Variants in PCDH15 observed in about 807,000 individuals in gnomAD.
PCDH15 encodes the protein protocadherin related 15.
Under a neutral mutation model 178.5 loss-of-function variants are expected in PCDH15, and 129 were observed. The observed-to-expected ratio is 0.72, with a 90% CI of 0.63 to 0.84. PCDH15 has a LOEUF of 0.84. Among genes scored for constraint, PCDH15 ranks in the 40% least tolerant of loss-of-function variants. The pLI, the probability that PCDH15 is intolerant of heterozygous loss-of-function variation, is 0.00. For synonymous variants in PCDH15, 800 were observed against 732.0 expected, an observed-to-expected ratio of 1.09 and a Z score of -1.50; for missense variants, 2,230 against 2,099.9, an observed-to-expected ratio of 1.06 and a Z score of -1.21.
intron 2 of PCDH15, among the ~76,000 whole-genome samples, chr10:55,409,078 A>C (rs1838272847): frequency 6.6e-6 from 1 of 151,274 alleles, no homozygotes; most frequent in African/African-American, 2.4e-5. Flanking sequence ...CTTCTCAGTA[A>C]TTGAACACAT....
chr10:55,262,466 G>A (rs1275606107), intron 1 of PCDH15, among the ~76,000 whole-genome samples: 1 of 152,174 alleles, frequency 6.6e-6, no homozygotes, highest in Non-Finnish European at 1.5e-5. Context: ...ACACACAGGC[G>A]GCTGGATGCT....
intron 3 of PCDH15, among the ~76,000 whole-genome samples, chr10:54,514,206 T>C (rs2081983095): frequency 2.0e-5 from 3 of 152,198 alleles, no homozygotes; most frequent in African/African-American, 7.2e-5. Flanking sequence ...CATCTTTGTG[T>C]AGTCTTAATT....
chr10:54,771,854 C>G (rs1949131520), intron 1 of PCDH15, among the ~76,000 whole-genome samples: 1 of 152,110 alleles, frequency 6.6e-6, no homozygotes, highest in African/African-American at 2.4e-5. Flanking sequence ...GTATCACTAT[C>G]TGAATATAAA....
intron 2 of PCDH15, among the ~76,000 whole-genome samples, chr10:55,376,162 T>C (rs910519721): frequency 3.9e-5 from 6 of 152,090 alleles, no homozygotes; most frequent in Non-Finnish European, 8.8e-5. Flanking sequence ...GCATGTTTGG[T>C]TTGAGATTAA....
Position 55,171,458 on chromosome 10 carries a change from C to G in PCDH15, c.-155-4807G>C, listed in dbSNP as rs535363812. ...TTGTGTTATTATTCTTTTCATCCTT[C>G]TAGTAACTTCATTCAGCTTAATGAA... On this transcript the variant is annotated intron_variant, in intron 1 of 5. Transcript: ENST00000458638. Among the ~76,000 whole-genome samples the G allele has an allele frequency of 1.7e-3, 253 of 152,104 alleles. 1 individual carries two copies. The highest frequency in any genetic ancestry group is 5.4e-3 in the African/African-American group (226 of 41,498).
At chr10:54,239,249 T>G (rs2054972529) in intron 8 of PCDH15, among the ~76,000 whole-genome samples, 1 of 151,982 alleles carries the variant, frequency 6.6e-6, no homozygotes, top group Non-Finnish European at 1.5e-5. Flanking sequence ...TAGTATAAAA[T>G]ATTCTTTCTA....
At chr10:55,224,582 T>C (rs1372173980) in intron 1 of PCDH15, among the ~76,000 whole-genome samples, 1 of 152,066 alleles carries the variant, frequency 6.6e-6, no homozygotes, top group Non-Finnish European at 1.5e-5. Context: ...AGATAGATGG[T>C]AAGTAGCACA....
chr10:54,779,406 GTA>G (rs60576217), intron 1 of PCDH15, among the ~76,000 whole-genome samples: 59,152 of 106,190 alleles, frequency 0.56, 15,432 homozygotes, highest in Non-Finnish European at 0.62. Context: ...ATATATATAT[GTA>G]TATATATATA....
chr10:54,867,358 T>C (rs764061253), intron 3 of PCDH15, among the ~76,000 whole-genome samples: 1 of 152,186 alleles, frequency 6.6e-6, no homozygotes, highest in Non-Finnish European at 1.5e-5. Flanking sequence ...ATCAAATTGC[T>C]ATTTGATGTT....
intron 1 of PCDH15, among the ~76,000 whole-genome samples, chr10:55,183,061 A>G (rs1312251032): frequency 1.3e-5 from 2 of 151,936 alleles, no homozygotes; most frequent in Non-Finnish European, 2.9e-5. Flanking sequence ...GCCCAAATCC[A>G]TTATGAGATA....
At chr10:54,790,257 A>G (rs1951271130) in intron 1 of PCDH15, among the ~76,000 whole-genome samples, 1 of 151,836 alleles carries the variant, frequency 6.6e-6, no homozygotes, top group African/African-American at 2.4e-5. Context: ...ATTTCCAAAG[A>G]GCATCTCAGT....
At chr10:54,121,130 C>A (rs1190402053) in intron 15 of PCDH15, among the ~76,000 whole-genome samples, 1 of 151,148 alleles carries the variant, frequency 6.6e-6, no homozygotes, top group Non-Finnish European at 1.5e-5. Context: ...GAAAGCAATA[C>A]CAATAATATT....
At chr10:55,036,885 G>T (rs1055784488) in intron 2 of PCDH15, among the ~76,000 whole-genome samples, 1 of 152,054 alleles carries the variant, frequency 6.6e-6, no homozygotes, top group African/African-American at 2.4e-5. Context: ...AAATTAAAAG[G>T]CACTTTATCT....
At chr10:54,273,168 G>T (rs1392402392) in intron 8 of PCDH15, among the ~76,000 whole-genome samples, 1 of 151,936 alleles carries the variant, frequency 6.6e-6, no homozygotes, top group Non-Finnish European at 1.5e-5. Flanking sequence ...ACAGAAGCTT[G>T]CATGTAATTT....
intron 3 of PCDH15, among the ~76,000 whole-genome samples, chr10:54,406,482 T>C (rs2135553440): frequency 6.6e-6 from 1 of 152,252 alleles, no homozygotes; most frequent in Admixed American, 6.6e-5. Context: ...CTTTCTCCTC[T>C]TCTGCCTCTT....
chr10:54,372,898 T>C (rs1390561732), intron 4 of PCDH15, among the ~76,000 whole-genome samples: 2 of 151,854 alleles, frequency 1.3e-5, no homozygotes. Context: ...GGTTATGATA[T>C]GTGTATCAGG....
chr10:54,964,763 T>C (rs1419549460), intron 2 of PCDH15, among the ~76,000 whole-genome samples: 2 of 152,196 alleles, frequency 1.3e-5, no homozygotes, highest in Admixed American at 1.3e-4. Context: ...ATTATTTTTA[T>C]GTAGAGGTCA....
intron 2 of PCDH15, among the ~76,000 whole-genome samples, chr10:55,484,794 C>A (rs1840262615): frequency 6.6e-6 from 1 of 151,646 alleles, no homozygotes; most frequent in Non-Finnish European, 1.5e-5. Flanking sequence ...TAAGGGCAGT[C>A]TCTTTAATAA....
At chr10:55,383,348 G>A (rs570633671) in intron 2 of PCDH15, among the ~76,000 whole-genome samples, 1 of 152,210 alleles carries the variant, frequency 6.6e-6, no homozygotes, top group African/African-American at 2.4e-5. Flanking sequence ...CTCTGTCAAT[G>A]GAGTTTGGGG....
Sources: gnomAD v4.1 joint callset for allele counts (sites outside exome capture counted in the v4.1 genomes callset) on GRCh38, gnomAD v4.1.1 for gene constraint, MANE v1.5 for transcripts, NCBI Gene and HGNC (gene_info 2026-07-23, HGNC 2026-07-21) for gene names.